GRB10: variants seen among roughly 807,000 people sequenced by gnomAD.
GRB10 encodes growth factor receptor-bound protein 10.
In GRB10, 20 loss-of-function variants were observed where a neutral mutation model predicts 80.9. The ratio of observed to expected loss-of-function variants is 0.25; its 90% CI spans 0.17 to 0.36. The LOEUF is 0.36. Among genes scored for constraint, GRB10 ranks in the 10% least tolerant of loss-of-function variants. The pLI is 1.00. For synonymous variants in GRB10, 291 were observed against 291.5 expected, an observed-to-expected ratio of 1.00 and a Z score of 0.02; for missense variants, 548 against 747.7, an observed-to-expected ratio of 0.73 and a Z score of 3.12.
intron 7 of GRB10, among the ~76,000 whole-genome samples, chr7:50,627,198 C>T (rs565040785): frequency 4.6e-5 from 7 of 152,228 alleles, no homozygotes; most frequent in African/African-American, 1.7e-4. Context: ...GGTAGGATTA[C>T]AACATGATAC....
chr7:50,592,468 A>G lies in GRB10; in HGVS notation c.*484T>C, dbSNP rs2045944210. Reference sequence around the variant, plus strand: ...ATTCAGTTTGAAATCTGCCCATTCAAAACTCTTTCTGTATTATATGAGTTG... The same window carrying G: ...ATTCAGTTTGAAATCTGCCCATTCAGAACTCTTTCTGTATTATATGAGTTG... On this transcript the variant is annotated 3_prime_UTR_variant, in exon 19 of 19. Coordinates refer to ENST00000401949, the MANE Select transcript of GRB10 (RefSeq NM_001350814.2). 1 of 181,364 alleles carries G rather than the reference A, an allele frequency of 5.5e-6. No individual in the cohort carries two copies. Among genetic ancestry groups the G allele is most frequent in the South Asian group, 1.2e-4 (1 of 8,178 alleles). The allele number at this position is 181,364 out of a possible 1,614,324, so 11.2% of individuals were successfully genotyped here.
At chr7:50,633,997 C>T (rs899281055) in intron 7 of GRB10, among the ~76,000 whole-genome samples, 1 of 152,192 alleles carries the variant, frequency 6.6e-6, no homozygotes, top group Admixed American at 6.5e-5. Context: ...TTTCCCCAAA[C>T]TTGCTAGAGA....
chr7:50,673,557 A>G (rs1224001148), intron 6 of GRB10, among the ~76,000 whole-genome samples: 1 of 152,038 alleles, frequency 6.6e-6, no homozygotes, highest in Non-Finnish European at 1.5e-5. Context: ...GCTCCTCCTC[A>G]GCAACGTGCT....
intron 3 of GRB10, among the ~76,000 whole-genome samples, chr7:50,751,736 A>T (rs1399319943): frequency 6.6e-6 from 1 of 152,224 alleles, no homozygotes; most frequent in African/African-American, 2.4e-5. Context: ...GAGCTGGTTA[A>T]AAAAAGAATG....
chr7:50,742,377 G>T (rs1436395764), intron 3 of GRB10, among the ~76,000 whole-genome samples: 4 of 152,044 alleles, frequency 2.6e-5, no homozygotes, highest in African/African-American at 7.2e-5. Flanking sequence ...GAAGGCCAAG[G>T]GCTGGTGATG....
intron 3 of GRB10, among the ~76,000 whole-genome samples, chr7:50,738,383 T>G (rs1227465625): frequency 6.6e-6 from 1 of 152,244 alleles, no homozygotes. Flanking sequence ...GCAACCTAAG[T>G]GTCCACTGAT....
chr7:50,598,985 G>A (rs900148318), intron 17 of GRB10, among the ~76,000 whole-genome samples: 1 of 151,130 alleles, frequency 6.6e-6, no homozygotes, highest in South Asian at 2.1e-4. Flanking sequence ...GGGGGGATAA[G>A]CATGGTGTTG....
chr7:50,614,678 T>C (rs955421738), intron 12 of GRB10, 92 bp downstream of exon 12: 74 of 828,702 alleles, frequency 8.9e-5, no homozygotes, highest in Non-Finnish European at 1.0e-4. Flanking sequence ...TTGAAGACAA[T>C]AGAAGCAACA....
chr7:50,657,018 C>G (rs1037009461), intron 7 of GRB10, among the ~76,000 whole-genome samples: 1 of 152,164 alleles, frequency 6.6e-6, no homozygotes, highest in Non-Finnish European at 1.5e-5. Context: ...ATTATCTGGT[C>G]ACTGTGAAGT....
chr7:50,719,325 A>C (rs924075933), intron 4 of GRB10, among the ~76,000 whole-genome samples: 3 of 152,166 alleles, frequency 2.0e-5, no homozygotes, highest in African/African-American at 7.2e-5. Context: ...AAAGAATATC[A>C]CTGCAGGCAG....
At chr7:50,759,863 C>T (rs2075559929) in intron 2 of GRB10, among the ~76,000 whole-genome samples, 1 of 152,196 alleles carries the variant, frequency 6.6e-6, no homozygotes, top group Non-Finnish European at 1.5e-5. Flanking sequence ...GCCACAGAGA[C>T]AGTGAATGGC....
At chr7:50,756,524 C>T (rs921343266) in intron 2 of GRB10, among the ~76,000 whole-genome samples, 1 of 152,216 alleles carries the variant, frequency 6.6e-6, no homozygotes, top group Non-Finnish European at 1.5e-5. Flanking sequence ...GCAGAGATTC[C>T]GCTGGGCACT....
intron 4 of GRB10, among the ~76,000 whole-genome samples, chr7:50,722,674 G>A (rs532519440): frequency 2.0e-5 from 3 of 152,038 alleles, no homozygotes; most frequent in Non-Finnish European, 4.4e-5. Flanking sequence ...CTATGGGGGA[G>A]AATGCCAGGG....
rs375434973 is a variant in GRB10 at position 50,593,096 on chromosome 7, G to A, written c.1641C>T (p.Cys547=). ...QKIKNFQILP[C]EDDGQTFFSL... ...TGAAGAACGTCTGCCCGTCGTCCTCGCACTGGAGAGACACAAGAACACTTG... is the reference window on the plus strand; with the variant it reads ...TGAAGAACGTCTGCCCGTCGTCCTCACACTGGAGAGACACAAGAACACTTG... Residue 547 remains cysteine (C), a splice_region_variant and synonymous_variant, in exon 19 of 19, where the codon TGC becomes TGT. Transcript: ENST00000401949. The A allele has an allele frequency of 2.5e-5, 41 of 1,613,990 alleles. No individual in the cohort carries two copies. Among genetic ancestry groups the A allele is most frequent in the Admixed American group, 5.0e-5 (3 of 60,006 alleles).
intron 2 of GRB10, among the ~76,000 whole-genome samples, chr7:50,775,174 C>CAAA (rs1305513693): frequency 1.7e-4 from 12 of 71,448 alleles, no homozygotes; most frequent in Non-Finnish European, 2.2e-4. Context: ...AAAAAAAAAA[C>CAAA]AAAAAAAAAC....
chr7:50,763,456 T>TG (rs2075996383), intron 2 of GRB10, among the ~76,000 whole-genome samples: 2 of 151,792 alleles, frequency 1.3e-5, no homozygotes, highest in South Asian at 4.2e-4. Flanking sequence ...CCCGCTGGAG[T>TG]GGGGGCAGCA....
chr7:50,711,802 G>C (rs1198424094), intron 4 of GRB10, among the ~76,000 whole-genome samples: 2 of 152,160 alleles, frequency 1.3e-5, no homozygotes, highest in African/African-American at 4.8e-5. Context: ...AAAAATGGCA[G>C]GGTTTCTACT....
rs1013641581 is a variant in GRB10 at position 50,674,538 on chromosome 7, C to T, written c.260G>A (p.Arg87His). 10 of 1,611,216 alleles carry T rather than the reference C, an allele frequency of 6.2e-6. 1 individual carries two copies. Among genetic ancestry groups the T allele is most frequent in the African/African-American group, 4.0e-5 (3 of 74,942 alleles). The change falls in exon 6 of 19, where the codon CGC becomes CAC. Residue 87 changes from arginine (R) to histidine (H), a missense_variant. By Grantham distance (29) the Arg-to-His change is conservative (BLOSUM62 0). This residue lies in a region of GRB10 where 245 missense variants were observed against 229.3 expected (regional missense o/e 1.07). Transcript: ENST00000401949. ...AGGGCCTGAAGCCCGAGGCTGGCTGCGGGCATGCTGGCCATTCTGCAGGAG... is the reference window on the plus strand; with the variant it reads ...AGGGCCTGAAGCCCGAGGCTGGCTGTGGGCATGCTGGCCATTCTGCAGGAG... ...VPLLQNGQHA[R>H]SQPRASGPPR... is the part of the protein sequence containing the mutation.
intron 5 of GRB10, among the ~76,000 whole-genome samples, chr7:50,688,895 A>G (rs2062433277): frequency 6.6e-6 from 1 of 152,128 alleles, no homozygotes; most frequent in African/African-American, 2.4e-5. Context: ...TGCAGAGTGC[A>G]CCAGAAGTAG....
Sources: gnomAD v4.1 joint callset for allele counts (sites outside exome capture counted in the v4.1 genomes callset) on GRCh38, gnomAD v4.1.1 for gene constraint, gnomAD v4.1.1 regional missense constraint, MANE v1.5 for transcripts, NCBI Gene and HGNC (gene_info 2026-07-23, HGNC 2026-07-21) for gene names.